Variants in PSG1 observed in about 807,000 individuals in gnomAD.
The protein encoded by PSG1 is pregnancy specific beta-1-glycoprotein 1, also known as pregnancy-specific beta-1-glycoprotein 1.
Under a neutral mutation model 41.4 loss-of-function variants are expected in PSG1, and 60 were observed. The ratio of observed to expected loss-of-function variants is 1.45; its 90% CI spans 1.18 to 1.80. PSG1 has a LOEUF of 1.80. Among genes scored for constraint, PSG1 ranks in the 40% most tolerant of loss-of-function variants. The pLI, the probability that PSG1 is intolerant of heterozygous loss-of-function variation, is 0.00. For missense variants in PSG1, 806 were observed against 516.9 expected (o/e 1.56, Z -5.42); for synonymous variants, 256 against 192.9 (o/e 1.33, Z -2.71).
In PSG1 at chr19:42,868,969, T is replaced by C. The variant is rs3199363; in HGVS notation, c.775A>G (p.Asn259Asp). 3.0e-5 allele frequency: 49 copies of C among 1,610,320 alleles called. 3 individuals carry two copies. The highest frequency in any genetic ancestry group is 2.2e-4 in the East Asian group (10 of 44,804). The change falls in exon 4 of 6, where the codon AAC becomes GAC. Residue 259 changes from asparagine (N) to aspartate (D), a missense_variant. By Grantham distance (23) the Asn-to-Asp change is conservative (BLOSUM62 1). Transcript: ENST00000436291. ...TCACTCTTAGGTTCACAGGTGAAGT[T>C]TAAGACATCCTTATTCTCCCTGGGG... ...LNPRENKDVL[N>D]FTCEPKSENY...
At chr19:42,875,824 G>GTTTT (rs5828150) in intron 2 of PSG1, among the ~76,000 whole-genome samples, 6 of 128,960 alleles carry the variant, frequency 4.7e-5, no homozygotes, top group African/African-American at 8.6e-5. Context: ...TTATTTATTT[G>GTTTT]TTTTTTTTTT....
At chr19:42,875,825 T>TA (rs377660995) in intron 2 of PSG1, among the ~76,000 whole-genome samples, 8 of 28,658 alleles carry the variant, frequency 2.8e-4, no homozygotes, top group African/African-American at 1.1e-3. Context: ...TATTTATTTG[T>TA]TTTTTTTTTT....
intron 5 of PSG1, 160 bp from the exon 6 acceptor site, chr19:42,867,310 G>A (rs1136442): frequency 1.5e-6 from 1 of 651,624 alleles, no homozygotes; most frequent in Non-Finnish European, 2.8e-6. Context: ...CAAAATAGGT[G>A]GAGTTTCTTC....
In PSG1 at chr19:42,875,824, G is replaced by A. The variant is rs867378083; in HGVS notation, c.430+2089C>T. Among the ~76,000 whole-genome samples the A allele has an allele frequency of 4.1e-4, 53 of 128,956 alleles. 2 individuals carry two copies. Among genetic ancestry groups the A allele is most frequent in the Middle Eastern group, 4.1e-3 (1 of 242 alleles). 84.6% of individuals were successfully genotyped at this position (128,956 alleles called of 152,430 possible). On this transcript the variant is annotated intron_variant, in intron 2 of 5. Transcript: ENST00000436291. ...ATTATTTTATTTTATTTATTTATTT[G>A]TTTTTTTTTTTTTTTGTGCAGGAGG...
chr19:42,876,976 C>G (rs147395944), intron 2 of PSG1, among the ~76,000 whole-genome samples: 26 of 151,572 alleles, frequency 1.7e-4, no homozygotes, highest in East Asian at 5.8e-4. Context: ...CTTGCTCAGT[C>G]ACTGTGCCTT....
chr19:42,869,096 C>T, intron 3 of PSG1, 62 bp from the exon 4 acceptor site: 1 of 1,590,948 alleles, frequency 6.3e-7, no homozygotes, highest in Non-Finnish European at 8.6e-7. Context: ...CACAGGTATC[C>T]TTCAATCAGA....
intron 5 of PSG1, chr19:42,867,787 A>T: frequency 9.1e-7 from 1 of 1,103,194 alleles, no homozygotes; most frequent in Non-Finnish European, 1.3e-6. Flanking sequence ...CAATGTAGAA[A>T]ACAAACCATT....
In PSG1 at chr19:42,868,988, C is replaced by G. The variant is rs1213810236; in HGVS notation, c.756G>C (p.Arg252Ser). ...PYITINNLNP[R>S]ENKDVLNFTC... ...TGAAGTTTAAGACATCCTTATTCTC[C>G]CTGGGGTTTAAGTTGTTGATGGTGA... Residue 252 changes from arginine to serine, a missense_variant, in exon 4 of 6, where the codon AGG (arginine) becomes AGC (serine). By Grantham distance (110) the Arg-to-Ser change is moderately radical. Transcript: ENST00000436291. 12 of 1,610,430 alleles carry G rather than the reference C, an allele frequency of 7.5e-6. No homozygotes were observed. Among genetic ancestry groups the G allele is most frequent in the Non-Finnish European group, 9.3e-6 (11 of 1,179,044 alleles).
intron 5 of PSG1, chr19:42,867,545 A>C (rs756191985): frequency 1.5e-4 from 92 of 628,282 alleles, no homozygotes; most frequent in Admixed American, 1.3e-4. Flanking sequence ...GAATCAAAGC[A>C]TTGGTAATAT....
intron 4 of PSG1, 43 bp from the exon 5 acceptor site, chr19:42,868,398 G>C: frequency 3.8e-6 from 6 of 1,567,208 alleles, no homozygotes; most frequent in Non-Finnish European, 5.2e-6. Context: ...TCATCTGAGG[G>C]AAGGGGATGT....
Position 42,879,655 on chromosome 19 carries a change from A to T in PSG1, c.-74T>A. The T allele has an allele frequency of 6.3e-7, 1 of 1,580,032 alleles. No homozygotes were observed. The highest frequency in any genetic ancestry group is 8.6e-7 in the Non-Finnish European group (1 of 1,157,386). On this transcript the variant is annotated 5_prime_UTR_variant, in exon 1 of 6. Transcript: ENST00000436291. ...CAGAAACTCTCTGAGCACGGCTGTC[A>T]GCTGTGCTGTCCTTCCTCTTTCTGT...
At chr19:42,874,103 C>T (rs1971505969) in intron 2 of PSG1, 1 of 151,674 alleles carries the variant, frequency 6.6e-6, no homozygotes, top group Non-Finnish European at 1.5e-5. Context: ...CACCGGTATT[C>T]CCATTACGTG....
At position 42,871,663 on chromosome 19, in the gene PSG1, G is replaced by A. The variant is rs371544836; in HGVS notation, c.709+104C>T. The A allele has an allele frequency of 5.0e-4, 802 of 1,610,658 alleles. 16 individuals carry two copies. The African/African-American group carries it at 8.4e-3, about 17-fold the overall frequency. ...TCATGGCCAGGTTTGATGTCCAGGG[G>A]TAAAGGTCTCTGTATTGGACCTGAG... On this transcript the variant is annotated intron_variant, in intron 3 of 5. Transcript: ENST00000436291.
Position 42,879,541 on chromosome 19 carries a change from T to A in PSG1, c.41A>T (p.Lys14Ile), listed in dbSNP as rs1136128. Residue 14 changes from lysine (K) to isoleucine (I), a missense_variant, in exon 1 of 6, where the codon AAA becomes ATA. By Grantham distance (102) the Lys-to-Ile change is moderately radical. Transcript: ENST00000436291. Reference sequence around the variant, plus strand: ...ACCTGTGAGCAGGAGCCCCTTCCATTTGATGCGCTGTGTGCAGGGAGGGGC... The same window carrying A: ...ACCTGTGAGCAGGAGCCCCTTCCATATGATGCGCTGTGTGCAGGGAGGGGC... ...LSAPPCTQRI[K>I]WKGLLLTASL... The A allele has an allele frequency of 1.9e-6, 3 of 1,610,596 alleles. No homozygotes were observed. Among genetic ancestry groups the A allele is most frequent in the African/African-American group, 2.7e-5 (2 of 74,718 alleles).
At chr19:42,879,157 C>CT (rs58030325) in intron 1 of PSG1, among the ~76,000 whole-genome samples, 31,167 of 139,522 alleles carry the variant, frequency 0.22, 4,764 homozygotes, top group African/African-American at 0.41. Flanking sequence ...TTTCTTTTTT[C>CT]TTTTTTTTTT....
chr19:42,873,335 CT>C (rs1971472295), intron 2 of PSG1, among the ~76,000 whole-genome samples: 2 of 151,666 alleles, frequency 1.3e-5, no homozygotes, highest in African/African-American at 4.8e-5. Context: ...GTGAGCACTT[CT>C]TTTTAGCATC....
In PSG1 at chr19:42,878,257, T is replaced by G. The variant is rs775982936; in HGVS notation, c.86A>C (p.Asn29Thr). The change falls in exon 2 of 6, where the codon AAC becomes ACC. Residue 29 changes from asparagine (N) to threonine (T), a missense_variant. Transcript: ENST00000436291. Reference protein sequence around the residue: ...LLTASLLNFWNLPTTAQVTIE... With the variant: ...LLTASLLNFWTLPTTAQVTIE... Reference sequence around the variant, plus strand: ...CGTGACTTGGGCAGTGGTGGGCAGGTTCCAGAAGTTTAAAAGTGATGCTAG... The same window carrying G: ...CGTGACTTGGGCAGTGGTGGGCAGGGTCCAGAAGTTTAAAAGTGATGCTAG... The G allele has an allele frequency of 6.2e-7, 1 of 1,608,548 alleles. No homozygotes were observed. Among genetic ancestry groups the G allele is most frequent in the Admixed American group, 1.7e-5 (1 of 59,544 alleles).
intron 2 of PSG1, among the ~76,000 whole-genome samples, chr19:42,876,312 G>A (rs1194270066): frequency 6.6e-6 from 1 of 151,368 alleles, no homozygotes; most frequent in African/African-American, 2.4e-5. Flanking sequence ...CAGTTCCATA[G>A]TCCAGGACCA....
At chr19:42,876,067 A>T (rs1971590582) in intron 2 of PSG1, among the ~76,000 whole-genome samples, 1 of 151,230 alleles carries the variant, frequency 6.6e-6, no homozygotes, top group African/African-American at 2.4e-5. Flanking sequence ...CTTTCCTGGG[A>T]GGTGGGCCAG....
Sources: gnomAD v4.1 joint callset for allele counts (sites outside exome capture counted in the v4.1 genomes callset) on GRCh38, gnomAD v4.1.1 for gene constraint, MANE v1.5 for transcripts, NCBI Gene and HGNC (gene_info 2026-07-23, HGNC 2026-07-21) for gene names.